Variants in CYP46A1 observed in about 807,000 individuals in gnomAD.
CYP46A1 encodes cytochrome P450 family 46 subfamily A member 1.
CYP46A1 carries 20 observed loss-of-function variants against 63.3 expected under a neutral mutation model. The observed-to-expected ratio is 0.32, with a 90% CI of 0.22 to 0.46. The LOEUF is 0.46. CYP46A1 is among the 20% of genes least tolerant of loss of function. CYP46A1 has a pLI of 1.00. For synonymous variants in CYP46A1, 268 were observed against 273.6 expected (o/e 0.98, Z 0.20); for missense variants, 445 against 670.8 (o/e 0.66, Z 3.72).
chr14:99,688,384 G>C (rs1281296013), intron 1 of CYP46A1, among the ~76,000 whole-genome samples: 1 of 151,702 alleles, frequency 6.6e-6, no homozygotes, highest in Admixed American at 6.6e-5. Context: ...CCCTCCATCC[G>C]CACTCTCAGC....
intron 2 of CYP46A1, chr14:99,691,483 C>T: frequency 3.5e-6 from 2 of 570,572 alleles, no homozygotes; most frequent in Admixed American, 3.1e-5. Flanking sequence ...AAAGTACTTT[C>T]AAAGATGCGA....
intron 7 of CYP46A1, chr14:99,710,010 G>A (rs2056715048): frequency 6.6e-6 from 1 of 152,108 alleles, no homozygotes; most frequent in African/African-American, 2.4e-5. Flanking sequence ...GAGAAATAAA[G>A]TCTGTCCCAA....
intron 1 of CYP46A1, among the ~76,000 whole-genome samples, chr14:99,690,177 C>T (rs552229487): frequency 2.0e-4 from 31 of 152,350 alleles, no homozygotes; most frequent in Admixed American, 9.1e-4. Flanking sequence ...CTGCATTAAC[C>T]CATTTATGCC....
intron 9 of CYP46A1, among the ~76,000 whole-genome samples, chr14:99,716,849 C>T (rs994292328): frequency 1.6e-4 from 25 of 152,164 alleles, no homozygotes; most frequent in African/African-American, 5.1e-4. Flanking sequence ...ATGAAATACA[C>T]GAACAAATGA....
In CYP46A1 at chr14:99,725,503, A is replaced by T; in HGVS notation, c.1265+24A>T. ...AAGTAAGTCCCTCCTGGAGCTGCCC[A>T]TGAGTGGGGCTGGCGGGAGAAGGAC... On this transcript the variant is annotated intron_variant, in intron 13 of 14. Coordinates refer to ENST00000261835, the MANE Select transcript of CYP46A1 (RefSeq NM_006668.2). This position sits in a 1 kb window ranked among gnomAD's most constrained non-coding sequence, Gnocchi z 4.2. The T allele has an allele frequency of 6.3e-7, 1 of 1,577,850 alleles. No homozygotes were observed. Among genetic ancestry groups the T allele is most frequent in the Non-Finnish European group, 8.7e-7 (1 of 1,147,000 alleles).
chr14:99,694,643 GC>G (rs2140116009), intron 3 of CYP46A1, among the ~76,000 whole-genome samples: 1 of 152,122 alleles, frequency 6.6e-6, no homozygotes, highest in South Asian at 2.1e-4. Flanking sequence ...GGGATTACAG[GC>G]GCCCACCACT....
At chr14:99,695,142 CAGAG>C (rs745503438) in intron 3 of CYP46A1, among the ~76,000 whole-genome samples, 24 of 152,224 alleles carry the variant, frequency 1.6e-4, no homozygotes, top group Admixed American at 3.3e-4. Flanking sequence ...TCTGTAAAGT[CAGAG>C]AGAATACTCA....
At chr14:99,691,961 C>A in intron 3 of CYP46A1, 100 bp downstream of exon 3, 2 of 1,249,238 alleles carry the variant, frequency 1.6e-6, no homozygotes, top group Non-Finnish European at 2.3e-6. Context: ...GTTCCAGAGC[C>A]AGGCGCATTT....
At chr14:99,695,394 C>A (rs2056578696) in intron 3 of CYP46A1, 2 of 405,612 alleles carry the variant, frequency 4.9e-6, no homozygotes, top group Admixed American at 3.0e-5. Context: ...GAATGTTGAA[C>A]CCTTCATAAT....
At chr14:99,708,759 G>A (rs2056703295) in intron 7 of CYP46A1, 1 of 152,570 alleles carries the variant, frequency 6.6e-6, no homozygotes, top group Non-Finnish European at 1.5e-5. Context: ...CCTGAGGATA[G>A]GCCCATCCCT....
At position 99,716,152 on chromosome 14, in the gene CYP46A1, A is replaced by G; in HGVS notation, c.860A>G (p.Gln287Arg). 6.2e-7 allele frequency: 1 copy of G among 1,614,272 alleles called. No homozygotes were observed. Among genetic ancestry groups the G allele is most frequent in the Non-Finnish European group, 8.5e-7 (1 of 1,180,044 alleles). ...TQILKAEEGAQDDEGLLDNFV... is the reference protein window; with the variant it reads ...TQILKAEEGARDDEGLLDNFV... ...TGTTTTTCAGCTGAAGAGGGAGCCCAGGACGACGAGGGTCTGCTGGACAAC... is the reference window on the plus strand; with the variant it reads ...TGTTTTTCAGCTGAAGAGGGAGCCCGGGACGACGAGGGTCTGCTGGACAAC... The change falls in exon 9 of 15, where the codon CAG becomes CGG. Residue 287 changes from glutamine to arginine, a missense_variant. Gln to Arg is a conservative substitution (Grantham distance 43). This residue lies in a region of CYP46A1 where 252 missense variants were observed against 383.3 expected (regional missense o/e 0.66). Coordinates refer to ENST00000261835, the MANE Select transcript of CYP46A1 (RefSeq NM_006668.2).
rs2056892597 is a variant in CYP46A1, at chr14:99,725,991, A to G, written c.1266-199A>G. ...AATGGGGACAACAGCAGTTCCTTCC[A>G]GGAGGGTAAAAGGAGGAGAAAAAGA... is the stretch of plus-strand genomic sequence containing the variant. On this transcript the variant is annotated intron_variant, in intron 13 of 14. Coordinates refer to ENST00000261835, the MANE Select transcript of CYP46A1 (RefSeq NM_006668.2). This position sits in a 1 kb window ranked among gnomAD's most constrained non-coding sequence, Gnocchi z 4.2. Among the ~76,000 whole-genome samples the G allele has an allele frequency of 6.6e-6, 1 of 152,180 alleles. No homozygotes were observed. Among genetic ancestry groups the G allele is most frequent in the South Asian group, 2.1e-4 (1 of 4,826 alleles).
At chr14:99,688,868 C>T (rs2140111434) in intron 1 of CYP46A1, among the ~76,000 whole-genome samples, 1 of 152,288 alleles carries the variant, frequency 6.6e-6, no homozygotes, top group South Asian at 2.1e-4. Context: ...TGACCTGGCC[C>T]CCAGCAGCCT....
Position 99,723,600 on chromosome 14 carries a change from C to T in CYP46A1, c.1176+1534C>T, listed in dbSNP as rs192930952. On this transcript the variant is annotated intron_variant, in intron 12 of 14. Transcript: ENST00000261835. ...CTGGGATTACAGGCGTGAGCCAGCGCGCCCAGCCCTAGAGCTTTCTTTTAA... is the reference window on the plus strand; with the variant it reads ...CTGGGATTACAGGCGTGAGCCAGCGTGCCCAGCCCTAGAGCTTTCTTTTAA... Among the ~76,000 whole-genome samples the T allele has an allele frequency of 7.9e-4, 121 of 152,368 alleles. 3 individuals carry two copies. In the South Asian group the frequency reaches 0.015, roughly 19 times the overall value.
chr14:99,697,229 T>G (rs1406036506), intron 3 of CYP46A1, among the ~76,000 whole-genome samples: 1 of 152,246 alleles, frequency 6.6e-6, no homozygotes, highest in East Asian at 1.9e-4. Context: ...GCGTAGGAGC[T>G]CTTTCCATGC....
intron 1 of CYP46A1, among the ~76,000 whole-genome samples, chr14:99,688,275 G>A (rs1184482870): frequency 1.3e-5 from 2 of 152,178 alleles, no homozygotes; most frequent in Non-Finnish European, 2.9e-5. Context: ...CACTCACCTG[G>A]CGTGGGCCTC....
At chr14:99,691,410 C>G in intron 2 of CYP46A1, 1 of 590,458 alleles carries the variant, frequency 1.7e-6, no homozygotes, top group East Asian at 2.8e-5. Context: ...CATCTGTAAA[C>G]TGGGTGGGGG....
At chr14:99,688,372 C>G (rs2056513323) in intron 1 of CYP46A1, among the ~76,000 whole-genome samples, 1 of 152,138 alleles carries the variant, frequency 6.6e-6, no homozygotes, top group Non-Finnish European at 1.5e-5. Context: ...CCCATCACCT[C>G]CCCCTCCATC....
At chr14:99,687,763 T>C (rs771970347) in intron 1 of CYP46A1, among the ~76,000 whole-genome samples, 2 of 152,048 alleles carry the variant, frequency 1.3e-5, no homozygotes, top group Non-Finnish European at 2.9e-5. Flanking sequence ...TGTGGGGTGG[T>C]GGGCGGTGGG....
Sources: gnomAD v4.1 joint callset for allele counts (sites outside exome capture counted in the v4.1 genomes callset) on GRCh38, gnomAD v4.1.1 for gene constraint, gnomAD v4.1.1 regional missense constraint, Gnocchi (gnomAD v3.1) non-coding constraint, MANE v1.5 for transcripts, NCBI Gene and HGNC (gene_info 2026-07-23, HGNC 2026-07-21) for gene names.